The following PDE4D variants were observed in gnomAD, a reference collection of about 807,000 sequenced individuals.
The protein encoded by PDE4D is phosphodiesterase 4D.
A neutral mutation model predicts 87.4 loss-of-function variants in PDE4D; 24 were observed. The ratio of observed to expected loss-of-function variants is 0.27; its 90% confidence interval spans 0.20 to 0.39. The LOEUF (loss-of-function observed/expected upper bound fraction) is 0.39. Among genes scored for constraint, PDE4D ranks in the 10% least tolerant of loss-of-function variants. The pLI, the probability that PDE4D is intolerant of heterozygous loss-of-function variation, is 1.00. For missense variants in PDE4D, 714 were observed against 1,041.0 expected (o/e 0.69, Z 4.32); for synonymous variants, 384 against 383.2 (o/e 1.00, Z -0.02).
intron 1 of PDE4D, among the ~76,000 whole-genome samples, chr5:59,774,052 G>A (rs1167759248): frequency 2.0e-5 from 3 of 152,118 alleles, no homozygotes; most frequent in Non-Finnish European, 4.4e-5. Flanking sequence ...AGGTACATAT[G>A]GAGGAATAAT....
chr5:59,264,883 T>C (rs1464428719), intron 1 of PDE4D, among the ~76,000 whole-genome samples: 2 of 152,036 alleles, frequency 1.3e-5, no homozygotes, highest in Non-Finnish European at 2.9e-5. Context: ...ACCAGATCTC[T>C]ATTTTTGTCT....
At chr5:59,852,328 T>G (rs1387957989) in intron 1 of PDE4D, among the ~76,000 whole-genome samples, 3 of 152,106 alleles carry the variant, frequency 2.0e-5, no homozygotes, top group African/African-American at 7.2e-5. Context: ...GGGAATGACA[T>G]TGTGTGACTT....
At chr5:60,136,353 G>A (rs1562137605) in intron 2 of PDE4D, among the ~76,000 whole-genome samples, 3 of 149,826 alleles carry the variant, frequency 2.0e-5, no homozygotes, top group Non-Finnish European at 3.0e-5. Context: ...GTCTTGCTCT[G>A]TTGTCCAGGC....
chr5:60,182,189 A>C (rs1784426516), intron 2 of PDE4D, among the ~76,000 whole-genome samples: 1 of 152,228 alleles, frequency 6.6e-6, no homozygotes, highest in Non-Finnish European at 1.5e-5. Flanking sequence ...ATTTTCAGTA[A>C]AATTAAAATT....
intron 2 of PDE4D, among the ~76,000 whole-genome samples, chr5:59,989,462 AT>A (rs768071558): frequency 1.5e-4 from 23 of 151,916 alleles, no homozygotes; most frequent in South Asian, 4.1e-4. Flanking sequence ...GAAAAGTCCT[AT>A]TTTTTCTGCA....
Position 59,957,305 on chromosome 5 carries a change from A to G in PDE4D, c.272+31183T>C, listed in dbSNP as rs147320719. Among the ~76,000 whole-genome samples, 622 of 151,992 alleles carry G rather than the reference A, an allele frequency of 4.1e-3. 8 individuals are homozygous for G. Among genetic ancestry groups the G allele is most frequent in the African/African-American group, 0.014 (579 of 41,480 alleles). On this transcript the variant is annotated intron_variant, in intron 3 of 16. Transcript: ENST00000502484. ...TTGTCATATGAAGGAGCCATTTCAT[A>G]TGAGATATTTTCCAGTATAGAATTA...
chr5:59,812,518 C>T (rs1473817508), intron 1 of PDE4D, among the ~76,000 whole-genome samples: 3 of 151,966 alleles, frequency 2.0e-5, no homozygotes, highest in Admixed American at 1.3e-4. Flanking sequence ...ACTAAAAATA[C>T]AGAAATTAGC....
chr5:59,261,630 T>C (rs1239362734), intron 1 of PDE4D, among the ~76,000 whole-genome samples: 1 of 151,824 alleles, frequency 6.6e-6, no homozygotes, highest in African/African-American at 2.4e-5. Context: ...TTTTTCCAAC[T>C]ATTTTTTCCT....
At chr5:59,398,317 T>C (rs1452690257) in intron 1 of PDE4D, among the ~76,000 whole-genome samples, 4 of 132,398 alleles carry the variant, frequency 3.0e-5, no homozygotes, top group African/African-American at 1.2e-4. Flanking sequence ...TGAACATTGA[T>C]GCAAAAATCC....
At chr5:59,277,913 T>C (rs868683193) in intron 1 of PDE4D, among the ~76,000 whole-genome samples, 3 of 152,238 alleles carry the variant, frequency 2.0e-5, no homozygotes, top group Middle Eastern at 3.4e-3. Flanking sequence ...AAAGACTGTA[T>C]AATAGTACCA....
chr5:60,293,467 C>G (rs1043044528), intron 1 of PDE4D, among the ~76,000 whole-genome samples: 2 of 151,938 alleles, frequency 1.3e-5, no homozygotes, highest in African/African-American at 4.8e-5. Flanking sequence ...TGAGCAGAGA[C>G]GGCGCCACTG....
intron 1 of PDE4D, among the ~76,000 whole-genome samples, chr5:59,498,734 T>C (rs924369047): frequency 3.3e-5 from 5 of 152,110 alleles, no homozygotes; most frequent in African/African-American, 9.7e-5. Flanking sequence ...GACTTAACTA[T>C]CCTAAATATA....
rs145933191 is a variant in PDE4D at position 60,164,948 on chromosome 5, C to T, written c.42+20609G>A. 2.5e-4 allele frequency among the ~76,000 whole-genome samples: 38 copies of T among 152,226 alleles called. No individual in the cohort carries two copies. In the East Asian group the frequency reaches 6.9e-3, roughly 28 times the overall value. On this transcript the variant is annotated intron_variant, in intron 2 of 16. Transcript: ENST00000502484. ...ATTTCTCAATAATACAATATATTGC[C>T]ATTAACTGTAGTCACCATGCTCAGA...
At chr5:59,310,121 C>A (rs1212444019) in intron 1 of PDE4D, among the ~76,000 whole-genome samples, 1 of 152,148 alleles carries the variant, frequency 6.6e-6, no homozygotes, top group Non-Finnish European at 1.5e-5. Context: ...GTCACTGTGG[C>A]CCTTTTGGAC....
chr5:60,008,931 C>T (rs1764745580), intron 2 of PDE4D, among the ~76,000 whole-genome samples: 1 of 151,878 alleles, frequency 6.6e-6, no homozygotes, highest in African/African-American at 2.4e-5. Context: ...TGTTAACAGC[C>T]ATATTAGTGG....
At chr5:60,058,884 TATTC>T (rs778797245) in intron 2 of PDE4D, among the ~76,000 whole-genome samples, 23 of 152,010 alleles carry the variant, frequency 1.5e-4, no homozygotes, top group Non-Finnish European at 2.9e-4. Flanking sequence ...AAATCACAGT[TATTC>T]ATTGTTTTAA....
intron 1 of PDE4D, among the ~76,000 whole-genome samples, chr5:59,713,979 G>A (rs1312760912): frequency 6.6e-6 from 1 of 152,212 alleles, no homozygotes; most frequent in African/African-American, 2.4e-5. Flanking sequence ...GTGCAGGTGG[G>A]GTGCCTGAAG....
intron 1 of PDE4D, among the ~76,000 whole-genome samples, chr5:59,863,700 T>A (rs1376084069): frequency 6.6e-6 from 1 of 152,216 alleles, no homozygotes; most frequent in African/African-American, 2.4e-5. Flanking sequence ...TCCATTGACC[T>A]GAGCTCTGAT....
intron 1 of PDE4D, among the ~76,000 whole-genome samples, chr5:59,251,336 AAAAC>A (rs1759900917): frequency 6.6e-6 from 1 of 152,188 alleles, no homozygotes; most frequent in South Asian, 2.1e-4. Flanking sequence ...TTAGAAGAGG[AAAAC>A]AAACAACCCC....
Sources: allele counts gnomAD v4.1 joint callset (sites outside exome capture counted in the v4.1 genomes callset), GRCh38; gene constraint gnomAD v4.1.1; transcripts MANE v1.5; gene names NCBI Gene and HGNC (gene_info 2026-07-23, HGNC 2026-07-21).